Variants in DOK6 observed in about 807,000 individuals in gnomAD.
DOK6 encodes the protein docking protein 6, also known as downstream of tyrosine kinase 6.
A neutral mutation model predicts 44.0 loss-of-function variants in DOK6; 22 were observed. That is an observed-to-expected ratio of 0.50 (90% CI 0.36 to 0.71). The LOEUF (loss-of-function observed/expected upper bound fraction) is 0.71. DOK6 is among the 30% of genes least tolerant of loss of function. The pLI is 0.00. For synonymous variants in DOK6, 166 were observed against 145.5 expected, an observed-to-expected ratio of 1.14 and a Z score of -1.01; for missense variants, 340 against 416.4, an observed-to-expected ratio of 0.82 and a Z score of 1.60.
intron 7 of DOK6, among the ~76,000 whole-genome samples, chr18:69,824,165 A>C (rs1981663795): frequency 1.3e-5 from 2 of 149,410 alleles, no homozygotes; most frequent in Admixed American, 1.3e-4. Context: ...ATTTAACATT[A>C]GGTATATCTC....
At chr18:69,819,959 C>A (rs977830752) in intron 7 of DOK6, among the ~76,000 whole-genome samples, 1 of 152,090 alleles carries the variant, frequency 6.6e-6, no homozygotes, top group Non-Finnish European at 1.5e-5. Context: ...AAAAAAAAAT[C>A]TCATAATGTT....
At position 69,821,229 on chromosome 18, in the gene DOK6, G is replaced by A. The variant is rs372645263; in HGVS notation, c.857-20015G>A. On this transcript the variant is annotated intron_variant, in intron 7 of 7. Transcript: ENST00000382713. ...GATAGGACATACATGTCTGAGTCTC[G>A]ACTTGCTGCTCATACTCCCTGCATC... 2.6e-5 allele frequency among the ~76,000 whole-genome samples: 4 copies of A among 151,942 alleles called. No individual in the cohort carries two copies. In the East Asian group the frequency reaches 5.8e-4, roughly 22 times the overall value.
chr18:69,559,679 C>A (rs35138051), intron 1 of DOK6, among the ~76,000 whole-genome samples: 28,859 of 152,052 alleles, frequency 0.19, 3,115 homozygotes, highest in Middle Eastern at 0.35. Context: ...GCTTCTGTAA[C>A]AAAATTTCAT....
rs1029641153 is a variant in DOK6 at position 69,848,062 on chromosome 18, C to CACACA, written c.*6680_*6681insCACAA. ...ACACACACACACACACACACACACA[C>CACACA]ATTTTTGGCTTTTGACCCACTCTGT... On this transcript the variant is annotated 3_prime_UTR_variant, in exon 8 of 8. Transcript: ENST00000382713. The CACACA allele has an allele frequency of 2.3e-5, 3 of 131,570 alleles. No individual in the cohort carries two copies. The highest frequency in any genetic ancestry group is 8.3e-5 in the African/African-American group (3 of 36,090). The allele number at this position is 131,570 out of a possible 1,614,324, so 8.2% of individuals were successfully genotyped here. A position where few individuals can be genotyped will look rare whatever the true frequency, so the allele number is the denominator to read the frequency against.
intron 7 of DOK6, among the ~76,000 whole-genome samples, chr18:69,828,286 T>C (rs72953848): frequency 0.075 from 11,397 of 151,926 alleles, 563 homozygotes; most frequent in Non-Finnish European, 0.11. Flanking sequence ...CTCCAGTCTT[T>C]ATATAATGTT....
chr18:69,823,198 A>C (rs1329129887), intron 7 of DOK6, among the ~76,000 whole-genome samples: 1 of 152,180 alleles, frequency 6.6e-6, no homozygotes, highest in East Asian at 1.9e-4. Context: ...GGCTCCAAAG[A>C]CACAAAAGTA....
intron 5 of DOK6, among the ~76,000 whole-genome samples, chr18:69,733,100 G>C (rs1271421750): frequency 6.6e-6 from 1 of 152,018 alleles, no homozygotes. Context: ...AGGCTGAGGT[G>C]GGCAGATTAC....
chr18:69,673,373 C>A (rs1237151728), intron 3 of DOK6, among the ~76,000 whole-genome samples: 1 of 152,142 alleles, frequency 6.6e-6, no homozygotes, highest in Non-Finnish European at 1.5e-5. Context: ...AGTCAATAGG[C>A]ATTTATTAAA....
intron 5 of DOK6, among the ~76,000 whole-genome samples, chr18:69,712,028 T>C (rs2144715900): frequency 6.6e-6 from 1 of 151,932 alleles, no homozygotes; most frequent in East Asian, 1.9e-4. Flanking sequence ...ACGCCTGTAA[T>C]CCCAGCACTT....
intron 7 of DOK6, among the ~76,000 whole-genome samples, chr18:69,773,904 A>G (rs965116960): frequency 2.0e-5 from 3 of 151,494 alleles, no homozygotes; most frequent in African/African-American, 7.3e-5. Flanking sequence ...CAGCAATCCT[A>G]CCATTGGGTA....
At chr18:69,630,475 A>T (rs1382161658) in intron 3 of DOK6, among the ~76,000 whole-genome samples, 1 of 152,200 alleles carries the variant, frequency 6.6e-6, no homozygotes, top group Non-Finnish European at 1.5e-5. Context: ...AAAGCTATAT[A>T]TTTCTTCACT....
intron 3 of DOK6, among the ~76,000 whole-genome samples, chr18:69,638,633 A>C (rs1984866483): frequency 6.6e-6 from 1 of 152,234 alleles, no homozygotes; most frequent in African/African-American, 2.4e-5. Flanking sequence ...AATTTGAATC[A>C]AATCATTGGC....
At chr18:69,619,126 A>T (rs2144637266) in intron 3 of DOK6, among the ~76,000 whole-genome samples, 1 of 152,340 alleles carries the variant, frequency 6.6e-6, no homozygotes, top group Middle Eastern at 3.4e-3. Context: ...AGAGAAAGCA[A>T]GTAAAGCCAA....
chr18:69,647,322 T>C (rs1281758179), intron 3 of DOK6: 1 of 152,200 alleles, frequency 6.6e-6, no homozygotes, highest in African/African-American at 2.4e-5. Flanking sequence ...GTACAGGTTA[T>C]GGTGGTTTCA....
At chr18:69,630,472 TA>T (rs1342375164) in intron 3 of DOK6, among the ~76,000 whole-genome samples, 1 of 152,242 alleles carries the variant, frequency 6.6e-6, no homozygotes, top group Non-Finnish European at 1.5e-5. Flanking sequence ...AGGAAAGCTA[TA>T]TATTTCTTCA....
chr18:69,757,608 C>A, intron 6 of DOK6, 148 bp from the exon 7 acceptor site: 1 of 649,082 alleles, frequency 1.5e-6, no homozygotes, highest in Non-Finnish European at 2.7e-6. Context: ...AATGATTTTA[C>A]TTTAAAAGTT....
intron 1 of DOK6, among the ~76,000 whole-genome samples, chr18:69,530,313 G>A (rs924766899): frequency 1.3e-5 from 2 of 152,078 alleles, no homozygotes; most frequent in African/African-American, 4.8e-5. Context: ...GCAGACATTA[G>A]CTGCATCTTA....
intron 2 of DOK6, among the ~76,000 whole-genome samples, chr18:69,586,559 G>A (rs73455865): frequency 5.3e-5 from 8 of 152,170 alleles, no homozygotes; most frequent in African/African-American, 1.2e-4. Context: ...CCATCTGAAC[G>A]TTTGAATGAC....
chr18:69,454,825 C>T (rs12232613), intron 1 of DOK6, among the ~76,000 whole-genome samples: 8 of 144,016 alleles, frequency 5.6e-5, no homozygotes, highest in East Asian at 2.1e-4. Flanking sequence ...AACCAAACAC[C>T]GCATATTCTC....
Sources: allele counts gnomAD v4.1 joint callset (sites outside exome capture counted in the v4.1 genomes callset), GRCh38; gene constraint gnomAD v4.1.1; transcripts MANE v1.5; gene names NCBI Gene and HGNC (gene_info 2026-07-23, HGNC 2026-07-21).